PDE1C: variants seen among roughly 807,000 people sequenced by gnomAD.
PDE1C encodes the protein phosphodiesterase 1C.
PDE1C carries 62 observed loss-of-function variants against 93.1 expected under a neutral mutation model. That is an observed-to-expected ratio of 0.67 (90% CI 0.54 to 0.82). The LOEUF (loss-of-function observed/expected upper bound fraction) is 0.82, where lower values mean the gene tolerates loss of function less well. Ranked by LOEUF, PDE1C falls within the 40% of genes least tolerant of loss-of-function variation. PDE1C has a pLI of 0.00. For synonymous variants in PDE1C, 325 were observed against 310.1 expected, an observed-to-expected ratio of 1.05 and a Z score of -0.50; for missense variants, 742 against 884.6, an observed-to-expected ratio of 0.84 and a Z score of 2.04.
chr7:32,242,634 G>A (rs1808624697), intron 1 of PDE1C, among the ~76,000 whole-genome samples: 1 of 152,210 alleles, frequency 6.6e-6, no homozygotes, highest in South Asian at 2.1e-4. Context: ...ACAAAGAGGG[G>A]TGGTGGGTGG....
intron 1 of PDE1C, among the ~76,000 whole-genome samples, chr7:32,332,494 AAT>A (rs1355168372): frequency 1.3e-5 from 2 of 152,140 alleles, no homozygotes; most frequent in Non-Finnish European, 2.9e-5. Flanking sequence ...ACTAAAGCTA[AAT>A]ATACACACAC....
At chr7:31,737,162 A>G in the PDE1C span, among the ~76,000 whole-genome samples, 3 of 151,340 alleles carry the variant, frequency 2.0e-5, no homozygotes, top group South Asian at 6.3e-4. Context: ...TTTTTTTTGT[A>G]GAGACGGTAT....
intron 1 of PDE1C, among the ~76,000 whole-genome samples, chr7:32,256,863 G>C (rs566118684): frequency 1.7e-4 from 26 of 152,310 alleles, no homozygotes; most frequent in Admixed American, 2.0e-4. Context: ...GGGTGCCACT[G>C]TTTCAACTTC....
chr7:32,101,776 C>T (rs1335858954), intron 3 of PDE1C, among the ~76,000 whole-genome samples: 2 of 152,160 alleles, frequency 1.3e-5, no homozygotes, highest in Non-Finnish European at 1.5e-5. Flanking sequence ...AACAGACTAA[C>T]ATAGAAAATT....
At chr7:32,145,690 T>TTTTA (rs1464390347) in intron 3 of PDE1C, among the ~76,000 whole-genome samples, 2 of 152,140 alleles carry the variant, frequency 1.3e-5, no homozygotes, top group Non-Finnish European at 2.9e-5. Flanking sequence ...GTGCCTTGAA[T>TTTTA]TTTATAGCCC....
chr7:32,036,082 C>T (rs1791037662), intron 2 of PDE1C, among the ~76,000 whole-genome samples: 1 of 152,168 alleles, frequency 6.6e-6, no homozygotes, highest in Non-Finnish European at 1.5e-5. Context: ...AGGTACCACA[C>T]TTTTTCTAAA....
At chr7:32,192,610 C>T (rs1804311222) in intron 2 of PDE1C, among the ~76,000 whole-genome samples, 1 of 152,024 alleles carries the variant, frequency 6.6e-6, no homozygotes, top group African/African-American at 2.4e-5. Flanking sequence ...GCCTTGAAAT[C>T]GAGTAGATAG....
chr7:31,794,069 C>CAGAT (rs1562807857), intron 16 of PDE1C, among the ~76,000 whole-genome samples: 137 of 134,392 alleles, frequency 1.0e-3, no homozygotes, highest in Non-Finnish European at 1.7e-3. Context: ...GACAGACAGA[C>CAGAT]AGACAGACAG....
the PDE1C span, among the ~76,000 whole-genome samples, chr7:31,691,771 A>G: frequency 6.9e-6 from 1 of 143,910 alleles, no homozygotes; most frequent in Non-Finnish European, 1.5e-5. Flanking sequence ...TCTTTACTTT[A>G]TACAATAGTT....
chr7:32,147,828 G>A (rs1011803088), intron 3 of PDE1C, among the ~76,000 whole-genome samples: 1 of 151,970 alleles, frequency 6.6e-6, no homozygotes, highest in Admixed American at 6.6e-5. Context: ...TTAACTGGCT[G>A]AGACTTCCAG....
intron 3 of PDE1C, among the ~76,000 whole-genome samples, chr7:32,102,701 G>A (rs546020761): frequency 3.0e-4 from 45 of 152,232 alleles, no homozygotes; most frequent in Non-Finnish European, 5.3e-4. Flanking sequence ...AGGCACAAAG[G>A]ATGACTTTTG....
At chr7:31,951,773 G>A (rs1414333366) in intron 2 of PDE1C, among the ~76,000 whole-genome samples, 3 of 152,120 alleles carry the variant, frequency 2.0e-5, no homozygotes, top group South Asian at 4.1e-4. Context: ...GGGTAAACCC[G>A]GTGTGTGGGA....
intron 1 of PDE1C, among the ~76,000 whole-genome samples, chr7:32,330,728 G>C (rs1235659837): frequency 1.3e-5 from 2 of 152,182 alleles, no homozygotes; most frequent in Non-Finnish European, 1.5e-5. Context: ...TTCAGTTCCA[G>C]AGAGAGAGGT....
the PDE1C span, among the ~76,000 whole-genome samples, chr7:31,644,272 A>T: frequency 7.2e-6 from 1 of 138,024 alleles, no homozygotes; most frequent in African/African-American, 2.6e-5. Context: ...TCTGTAACTC[A>T]TCTCCAGTTC....
At chr7:31,950,359 C>T (rs1049461000) in intron 2 of PDE1C, among the ~76,000 whole-genome samples, 1 of 152,114 alleles carries the variant, frequency 6.6e-6, no homozygotes, top group Non-Finnish European at 1.5e-5. Context: ...ACTCTTACAG[C>T]CCACCCCAAT....
intron 1 of PDE1C, among the ~76,000 whole-genome samples, chr7:32,368,898 G>A (rs1178820445): frequency 6.6e-6 from 1 of 152,116 alleles, no homozygotes; most frequent in East Asian, 1.9e-4. Context: ...ACTGGAGAAA[G>A]ACACTCTCAT....
chr7:31,859,320 T>G (rs1004480725), intron 7 of PDE1C, among the ~76,000 whole-genome samples: 1 of 149,698 alleles, frequency 6.7e-6, no homozygotes, highest in Admixed American at 6.7e-5. Flanking sequence ...TATAGACTTA[T>G]TTATCCTATT....
chr7:31,764,850 A>T (rs191148835), intron 17 of PDE1C, among the ~76,000 whole-genome samples: 3 of 152,390 alleles, frequency 2.0e-5, no homozygotes. Context: ...TCTACTTCAC[A>T]TTCAGTAACC....
chr7:32,395,535 G>A (rs539455048), intron 1 of PDE1C, among the ~76,000 whole-genome samples: 1 of 152,202 alleles, frequency 6.6e-6, no homozygotes, highest in Non-Finnish European at 1.5e-5. Flanking sequence ...GCAGAAGCCA[G>A]TGAGGATGGG....
Sources: allele counts gnomAD v4.1 joint callset (sites outside exome capture counted in the v4.1 genomes callset), GRCh38; gene constraint gnomAD v4.1.1; transcripts MANE v1.5; gene names NCBI Gene and HGNC (gene_info 2026-07-23, HGNC 2026-07-21).